Variants in C8orf34 observed in about 807,000 individuals in gnomAD.
The protein encoded by C8orf34 is uncharacterized protein C8orf34.
A neutral mutation model predicts 68.3 loss-of-function variants in C8orf34; 65 were observed. The observed-to-expected ratio is 0.95, with a 90% CI of 0.78 to 1.17. The LOEUF (loss-of-function observed/expected upper bound fraction) is 1.17. Among genes scored for constraint, C8orf34 ranks in the 50% most tolerant of loss-of-function variants. The pLI, the probability that C8orf34 is intolerant of heterozygous loss-of-function variation, is 0.00. For synonymous variants in C8orf34, 244 were observed against 241.2 expected, an observed-to-expected ratio of 1.01 and a Z score of -0.11; for missense variants, 664 against 655.4, an observed-to-expected ratio of 1.01 and a Z score of -0.14.
intron 10 of C8orf34, among the ~76,000 whole-genome samples, chr8:68,772,739 TTC>T (rs767536960): frequency 4.1e-5 from 6 of 147,396 alleles, no homozygotes; most frequent in African/African-American, 7.5e-5. Flanking sequence ...CTTTCTTTCT[TTC>T]TCTCTTTCTC....
chr8:68,750,554 GA>G (rs1362289006), intron 10 of C8orf34, among the ~76,000 whole-genome samples: 2 of 152,078 alleles, frequency 1.3e-5, no homozygotes, highest in African/African-American at 2.4e-5. Context: ...ACAGCATTGT[GA>G]ATGTACCTAA....
intron 7 of C8orf34, among the ~76,000 whole-genome samples, chr8:68,577,668 A>G (rs547229717): frequency 1.5e-4 from 23 of 151,998 alleles, no homozygotes; most frequent in Non-Finnish European, 3.1e-4. Flanking sequence ...TTAAATCTAG[A>G]TACAATTAAG....
chr8:68,445,935 G>T (rs143607844), intron 2 of C8orf34, among the ~76,000 whole-genome samples: 1 of 151,930 alleles, frequency 6.6e-6, no homozygotes, highest in African/African-American at 2.4e-5. Flanking sequence ...AATTACAGAC[G>T]CCCGCCATCA....
rs966426228 is a variant in C8orf34 at position 68,548,556 on chromosome 8, C to A, written c.1105+15407C>A. Among the ~76,000 whole-genome samples the A allele has an allele frequency of 3.8e-4, 58 of 151,716 alleles. 1 individual carries two copies. Among genetic ancestry groups the A allele is most frequent in the Non-Finnish European group, 2.1e-4 (14 of 67,726 alleles). On this transcript the variant is annotated intron_variant, in intron 7 of 13. Coordinates refer to ENST00000518698, the MANE Select transcript of C8orf34 (RefSeq NM_052958.4). ...AAATGTTGCTAAGTACGTGGAGCAGCTGGAATTCTCAAACATTGCTAATGG... is the reference window on the plus strand; with the variant it reads ...AAATGTTGCTAAGTACGTGGAGCAGATGGAATTCTCAAACATTGCTAATGG...
intron 7 of C8orf34, among the ~76,000 whole-genome samples, chr8:68,600,190 C>T (rs1476629330): frequency 6.6e-6 from 1 of 152,052 alleles, no homozygotes; most frequent in Non-Finnish European, 1.5e-5. Context: ...TGTAATTTAT[C>T]ACAGTCTACA....
intron 13 of C8orf34, among the ~76,000 whole-genome samples, chr8:68,817,342 T>C (rs1386355278): frequency 3.3e-5 from 5 of 152,112 alleles, no homozygotes; most frequent in Admixed American, 2.6e-4. Context: ...AATATGCAGT[T>C]GATAAAAGAG....
intron 10 of C8orf34, among the ~76,000 whole-genome samples, chr8:68,768,113 T>C (rs1180369735): frequency 1.3e-5 from 2 of 152,216 alleles, no homozygotes; most frequent in African/African-American, 4.8e-5. Flanking sequence ...ATTTGATACA[T>C]AGCAACACAT....
chr8:68,805,777 T>C (rs920874253), intron 12 of C8orf34, among the ~76,000 whole-genome samples: 16 of 152,196 alleles, frequency 1.1e-4, no homozygotes, highest in Non-Finnish European at 1.9e-4. Flanking sequence ...TAATCAATTC[T>C]AGCAGTCCTT....
At chr8:68,349,099 G>A (rs1033475120) in intron 1 of C8orf34, among the ~76,000 whole-genome samples, 5 of 152,032 alleles carry the variant, frequency 3.3e-5, no homozygotes, top group East Asian at 1.9e-4. Flanking sequence ...TGTTGGCTGT[G>A]CATTTTTCAT....
At chr8:68,590,429 GC>G (rs1479335676) in intron 7 of C8orf34, among the ~76,000 whole-genome samples, 1 of 152,008 alleles carries the variant, frequency 6.6e-6, no homozygotes, top group Non-Finnish European at 1.5e-5. Flanking sequence ...TTTACTTTAA[GC>G]CCAAAGTACA....
intron 3 of C8orf34, among the ~76,000 whole-genome samples, chr8:68,458,913 G>T (rs1000214200): frequency 6.6e-6 from 1 of 152,164 alleles, no homozygotes; most frequent in South Asian, 2.1e-4. Flanking sequence ...AATCACAGAA[G>T]TAATATTTAT....
chr8:68,776,827 G>A (rs1823533893), intron 11 of C8orf34, among the ~76,000 whole-genome samples: 1 of 152,148 alleles, frequency 6.6e-6, no homozygotes, highest in Admixed American at 6.5e-5. Flanking sequence ...TACTAGGTCT[G>A]GATTCATTCA....
intron 12 of C8orf34, among the ~76,000 whole-genome samples, chr8:68,812,067 C>G (rs1161676740): frequency 6.6e-6 from 1 of 152,052 alleles, no homozygotes; most frequent in Non-Finnish European, 1.5e-5. Flanking sequence ...AAAATAAGAA[C>G]ATAAGGGAAA....
chr8:68,622,684 G>A (rs1457899918), intron 7 of C8orf34, among the ~76,000 whole-genome samples: 1 of 152,176 alleles, frequency 6.6e-6, no homozygotes, highest in African/African-American at 2.4e-5. Context: ...TGCGTAAACA[G>A]AGTGAGATCA....
chr8:68,505,503 G>A lies in C8orf34; in HGVS notation c.766-16296G>A, dbSNP rs190291642. 8.2e-4 allele frequency among the ~76,000 whole-genome samples: 78 copies of A among 94,850 alleles called. 23 individuals carry two copies. The highest frequency in any genetic ancestry group is 5.5e-3 in the African/African-American group (57 of 10,408). 62.2% of individuals were successfully genotyped at this position (94,850 alleles called of 152,430 possible). A position where few individuals can be genotyped will look rare whatever the true frequency, so the allele number is the denominator to read the frequency against. ...TCCCAGCACTTTGGGAGGCCGAGGC[G>A]GGTGGATCATGAGGTCAGGAGATCG... is the stretch of plus-strand genomic sequence containing the variant. On this transcript the variant is annotated intron_variant, in intron 5 of 13. Coordinates refer to ENST00000518698, the MANE Select transcript of C8orf34 (RefSeq NM_052958.4).
At chr8:68,417,347 T>C (rs1286179386) in intron 1 of C8orf34, among the ~76,000 whole-genome samples, 2 of 152,082 alleles carry the variant, frequency 1.3e-5, no homozygotes, top group Admixed American at 1.3e-4. Context: ...GACCATATAT[T>C]GCCGTTTGTA....
At chr8:68,515,263 A>AT (rs1814457519) in intron 5 of C8orf34, among the ~76,000 whole-genome samples, 1 of 151,098 alleles carries the variant, frequency 6.6e-6, no homozygotes, top group African/African-American at 2.4e-5. Context: ...TCACTTATTT[A>AT]GTTTTTTTTT....
intron 1 of C8orf34, among the ~76,000 whole-genome samples, chr8:68,334,876 A>G (rs1252473011): frequency 6.6e-6 from 1 of 152,150 alleles, no homozygotes; most frequent in Non-Finnish European, 1.5e-5. Context: ...TCACTTATAT[A>G]TTTTGCTGTT....
intron 10 of C8orf34, among the ~76,000 whole-genome samples, chr8:68,745,236 G>A (rs981719330): frequency 1.8e-4 from 27 of 152,008 alleles, no homozygotes; most frequent in East Asian, 3.9e-4. Context: ...TGAAGGAAGC[G>A]CTAAACATGG....
Sources: allele counts gnomAD v4.1 joint callset (sites outside exome capture counted in the v4.1 genomes callset), GRCh38; gene constraint gnomAD v4.1.1; transcripts MANE v1.5; gene names NCBI Gene and HGNC (gene_info 2026-07-23, HGNC 2026-07-21).